ABCC1: variants seen among roughly 807,000 people sequenced by gnomAD.
ABCC1 encodes the protein multidrug resistance-associated protein 1.
Under a neutral mutation model 172.9 loss-of-function variants are expected in ABCC1, and 83 were observed. That is an observed-to-expected ratio of 0.48 (90% CI 0.40 to 0.58). The LOEUF is 0.58. ABCC1 is among the 20% of genes least tolerant of loss of function. The pLI is 0.00. For missense variants in ABCC1, 1,817 were observed against 2,002.7 expected (o/e 0.91, Z 1.77); for synonymous variants, 937 against 825.2 (o/e 1.14, Z -2.32).
At chr16:16,108,414 G>A (rs766061767) in intron 21 of ABCC1, among the ~76,000 whole-genome samples, 4 of 150,430 alleles carry the variant, frequency 2.7e-5, no homozygotes, top group Admixed American at 6.7e-5. Flanking sequence ...GGGACTACAG[G>A]CCTGCGCCAC....
chr16:15,991,342 C>G (rs1028801408), intron 1 of ABCC1, among the ~76,000 whole-genome samples: 3 of 151,992 alleles, frequency 2.0e-5, no homozygotes, highest in Non-Finnish European at 4.4e-5. Flanking sequence ...CTCTTCTTTC[C>G]CTTTTCTTAA....
At chr16:15,985,787 C>T (rs183192897) in intron 1 of ABCC1, among the ~76,000 whole-genome samples, 2 of 152,022 alleles carry the variant, frequency 1.3e-5, no homozygotes, top group Admixed American at 6.6e-5. Flanking sequence ...AACTTGGTGA[C>T]TGAGAACAAC....
intron 9 of ABCC1, among the ~76,000 whole-genome samples, chr16:16,047,027 C>T (rs1473981853): frequency 6.6e-6 from 1 of 152,050 alleles, no homozygotes; most frequent in Non-Finnish European, 1.5e-5. Flanking sequence ...AAGACCCTGG[C>T]TCTGCAGAAA....
chr16:15,955,774 C>G (rs1481214698), intron 1 of ABCC1, among the ~76,000 whole-genome samples: 1 of 152,098 alleles, frequency 6.6e-6, no homozygotes, highest in Non-Finnish European at 1.5e-5. Flanking sequence ...TAATATTTTG[C>G]TTAAGTATTG....
chr16:15,956,879 G>A (rs7195031), intron 1 of ABCC1, among the ~76,000 whole-genome samples: 89,083 of 151,794 alleles, frequency 0.59, 26,631 homozygotes, highest in East Asian at 0.68. Flanking sequence ...CTGAGTATAA[G>A]TGGACCCGTG....
At chr16:16,027,057 C>T (rs1267964041) in intron 5 of ABCC1, among the ~76,000 whole-genome samples, 4 of 152,134 alleles carry the variant, frequency 2.6e-5, no homozygotes, top group African/African-American at 9.7e-5. Flanking sequence ...TCTTGTTAAG[C>T]TGGATATGGG....
chr16:16,045,775 C>G (rs1567344395), intron 8 of ABCC1, 61 bp from the exon 9 acceptor site: 1 of 1,537,320 alleles, frequency 6.5e-7, no homozygotes, highest in South Asian at 1.2e-5. Flanking sequence ...AACACTGAAG[C>G]TCTCTTCCCT....
chr16:16,088,099 T>C (rs2889517), intron 18 of ABCC1, among the ~76,000 whole-genome samples: 97,279 of 151,856 alleles, frequency 0.64, 31,469 homozygotes, highest in Non-Finnish European at 0.7. Context: ...AATATGGATA[T>C]CTTCTTATAA....
At chr16:16,101,700 C>T (rs1381757041) in intron 19 of ABCC1, among the ~76,000 whole-genome samples, 1 of 152,150 alleles carries the variant, frequency 6.6e-6, no homozygotes. Context: ...GGAGTGGGGG[C>T]AGTAGTCATC....
At chr16:16,086,543 C>T (rs964134427) in intron 17 of ABCC1, among the ~76,000 whole-genome samples, 6 of 152,198 alleles carry the variant, frequency 3.9e-5, no homozygotes, top group African/African-American at 1.4e-4. Context: ...CAGCCTGGAA[C>T]TCCTGGGCTC....
intron 14 of ABCC1, among the ~76,000 whole-genome samples, chr16:16,073,850 GTC>G (rs984580228): frequency 2.6e-5 from 4 of 152,352 alleles, no homozygotes; most frequent in Admixed American, 2.6e-4. Context: ...AACCCATACA[GTC>G]TGGCTCCAGA....
intron 7 of ABCC1, among the ~76,000 whole-genome samples, chr16:16,043,462 C>A (rs1410473911): frequency 1.3e-5 from 2 of 151,420 alleles, no homozygotes; most frequent in East Asian, 3.9e-4. Flanking sequence ...CCATGCCGGG[C>A]TGATTTTGTA....
chr16:16,011,710 C>T (rs2047791477), intron 3 of ABCC1, among the ~76,000 whole-genome samples: 1 of 151,834 alleles, frequency 6.6e-6, no homozygotes, highest in African/African-American at 2.4e-5. Flanking sequence ...CGCTTTGTTG[C>T]CCAGGCTGAA....
At chr16:15,961,771 C>CTTTTTTT (rs4148334) in intron 1 of ABCC1, among the ~76,000 whole-genome samples, 23 of 129,216 alleles carry the variant, frequency 1.8e-4, no homozygotes, top group African/African-American at 5.1e-4. Context: ...ATCAAATCAA[C>CTTTTTTT]TTTTTTTTTT....
chr16:15,954,637 A>G (rs1472532), intron 1 of ABCC1, among the ~76,000 whole-genome samples: 127,764 of 152,032 alleles, frequency 0.84, 54,078 homozygotes, highest in African/African-American at 0.93. Context: ...CCTTGGCCAA[A>G]TGGAGCCACT....
chr16:16,055,762 T>A (rs998392437), intron 11 of ABCC1, among the ~76,000 whole-genome samples: 2 of 149,786 alleles, frequency 1.3e-5, no homozygotes, highest in Admixed American at 1.3e-4. Flanking sequence ...GATAGCGGGG[T>A]CCTTTGGTGT....
chr16:16,100,806 C>G (rs777402729), intron 19 of ABCC1, among the ~76,000 whole-genome samples: 42 of 152,106 alleles, frequency 2.8e-4, no homozygotes, highest in South Asian at 1.4e-3. Context: ...GTCTGCTGTT[C>G]CTGTTTTGCA....
intron 5 of ABCC1, among the ~76,000 whole-genome samples, chr16:16,030,435 G>A (rs890288000): frequency 1.3e-5 from 2 of 152,130 alleles, no homozygotes; most frequent in Non-Finnish European, 2.9e-5. Flanking sequence ...CGAGGCGGGA[G>A]GATCACTTGA....
At chr16:16,107,014 C>G in intron 21 of ABCC1, 141 bp downstream of exon 21, 1 of 1,278,416 alleles carries the variant, frequency 7.8e-7, no homozygotes, top group Non-Finnish European at 1.1e-6. Flanking sequence ...TTTGCAGCAC[C>G]AGAAACTGAG....
Sources: gnomAD v4.1 joint callset for allele counts (sites outside exome capture counted in the v4.1 genomes callset) on GRCh38, gnomAD v4.1.1 for gene constraint, MANE v1.5 for transcripts, NCBI Gene and HGNC (gene_info 2026-07-23, HGNC 2026-07-21) for gene names.